TRPM7: variants seen among roughly 807,000 people sequenced by gnomAD.
TRPM7 encodes the protein LTRPC ion channel family member 7.
Under a neutral mutation model 229.7 loss-of-function variants are expected in TRPM7, and 134 were observed. That is an observed-to-expected ratio of 0.58 (90% CI 0.51 to 0.67). The LOEUF is 0.67. TRPM7 is among the 30% of genes least tolerant of loss of function. The pLI is 0.00. For missense variants in TRPM7, 1,901 were observed against 2,210.0 expected (o/e 0.86, Z 2.80); for synonymous variants, 699 against 715.2 (o/e 0.98, Z 0.36).
In TRPM7 at chr15:50,569,898, A is replaced by G; in HGVS notation, c.5456T>C (p.Leu1819Pro). 2 of 1,600,832 alleles carry G rather than the reference A, an allele frequency of 1.2e-6. No homozygotes were observed. Among genetic ancestry groups the G allele is most frequent in the Non-Finnish European group, 1.7e-6 (2 of 1,175,674 alleles). The change falls in exon 38 of 39, where the codon CTT becomes CCT. Residue 1819 changes from leucine to proline, a missense_variant. Around this residue, in one of 8 missense-constraint regions of TRPM7, gnomAD observed 257 missense variants for 352.0 expected, o/e 0.73. Transcript: ENST00000646667. ...AAGAAATTTTTTACCTGGAAGTTTA[A>G]GCTTTCTACAGCAAGAATTACAGTG... is the stretch of plus-strand genomic sequence containing the variant. ...KHHCNSCCRK[L>P]KLPDLKRNDY...
intron 1 of TRPM7, among the ~76,000 whole-genome samples, chr15:50,681,834 G>A (rs1458299211): frequency 1.3e-5 from 2 of 152,112 alleles, no homozygotes; most frequent in Non-Finnish European, 2.9e-5. Context: ...TTGCTCCTTA[G>A]GTCAAGTAGG....
rs2140375086 is a variant in TRPM7, at chr15:50,594,565, G to A, written c.3339C>T (p.Tyr1113=). 6.2e-7 allele frequency: 1 copy of A among 1,611,756 alleles called. No individual in the cohort carries two copies. Among genetic ancestry groups the A allele is most frequent in the East Asian group, 2.2e-5 (1 of 44,704 alleles). ...AAGCCATAATAAAATGATAACGCTGGTACTTCCATACAATATTGGAAATTG... is the reference window on the plus strand; with the variant it reads ...AAGCCATAATAAAATGATAACGCTGATACTTCCATACAATATTGGAAATTG... ...VKAISNIVWK[Y]QRYHFIMAYH... The change falls in exon 24 of 39, where the codon TAC becomes TAT. Residue 1113 remains tyrosine, a synonymous_variant. Coordinates refer to ENST00000646667, the MANE Select transcript of TRPM7 (RefSeq NM_017672.6).
At chr15:50,568,023 G>T (rs1349219431) in intron 38 of TRPM7, among the ~76,000 whole-genome samples, 5 of 144,600 alleles carry the variant, frequency 3.5e-5, no homozygotes, top group Non-Finnish European at 1.5e-5. Flanking sequence ...AGCTTGCAGT[G>T]AGCGGAGACC....
In TRPM7 at chr15:50,558,733, T is replaced by A. The variant is rs999364508; in HGVS notation, c.*2945A>T. The A allele has an allele frequency of 2.0e-4, 31 of 151,262 alleles. No individual in the cohort carries two copies. The highest frequency in any genetic ancestry group is 2.0e-4 in the East Asian group (1 of 5,112). The allele number at this position is 151,262 out of a possible 1,614,324, so 9.4% of individuals were successfully genotyped here. A position where few individuals can be genotyped will look rare whatever the true frequency, so the allele number is the denominator to read the frequency against. ...AATAAAAATGAAAAATAAAAAAATA[T>A]ATATATAAAATTAGGTACGTGTGGT... On this transcript the variant is annotated 3_prime_UTR_variant, in exon 39 of 39. Coordinates refer to ENST00000646667, the MANE Select transcript of TRPM7 (RefSeq NM_017672.6).
chr15:50,609,184 A>G (rs913187367), intron 19 of TRPM7, among the ~76,000 whole-genome samples: 2 of 152,038 alleles, frequency 1.3e-5, no homozygotes, highest in African/African-American at 4.8e-5. Flanking sequence ...ATCATCATCA[A>G]TTAACACTGC....
chr15:50,561,898 T>C lies in TRPM7; in HGVS notation c.5468-90A>G, dbSNP rs1056755464. 20 of 1,284,308 alleles carry C rather than the reference T, an allele frequency of 1.6e-5. No individual in the cohort carries two copies. In the African/African-American group the frequency reaches 2.6e-4, roughly 17 times the overall value. The allele number at this position is 1,284,308 out of a possible 1,614,324, so 79.6% of individuals were successfully genotyped here. A position where few individuals can be genotyped will look rare whatever the true frequency, so the allele number is the denominator to read the frequency against. On this transcript the variant is annotated intron_variant, in intron 38 of 38. Coordinates refer to ENST00000646667, the MANE Select transcript of TRPM7 (RefSeq NM_017672.6). ...CTTAGAAATGGAGAATTAGGAACCT[T>C]TTATTTTCTTTTCAAGACGGAGTTT... is the stretch of plus-strand genomic sequence containing the variant.
intron 36 of TRPM7, among the ~76,000 whole-genome samples, chr15:50,572,174 A>G (rs1383808822): frequency 6.6e-6 from 1 of 152,218 alleles, no homozygotes; most frequent in African/African-American, 2.4e-5. Context: ...AGTCCCAGCT[A>G]TGCAGGAGGC....
At chr15:50,607,112 C>A (rs11633404) in intron 20 of TRPM7, 88 bp downstream of exon 20, 494,882 of 1,111,298 alleles carry the variant, frequency 0.45, 107,713 homozygotes, top group Admixed American at 0.55. Flanking sequence ...ACACACACAC[C>A]CCCCTACGTA....
chr15:50,580,840 T>A (rs745319927), intron 30 of TRPM7, 34 bp downstream of exon 30: 11 of 1,573,172 alleles, frequency 7.0e-6, no homozygotes, highest in African/African-American at 1.4e-5. Context: ...ACTATGATAC[T>A]TCGCAAGCTA....
At chr15:50,561,851 G>C (rs1056329395) in intron 38 of TRPM7, 43 bp from the exon 39 acceptor site, 3 of 1,459,672 alleles carry the variant, frequency 2.1e-6, no homozygotes, top group East Asian at 5.0e-5. Flanking sequence ...AAAAGAAAGA[G>C]AAAAGAAAAA....
rs2053228696 is a variant in TRPM7, at chr15:50,559,365, T to TC, written c.*2312_*2313insG. On this transcript the variant is annotated 3_prime_UTR_variant, in exon 39 of 39. Coordinates refer to ENST00000646667, the MANE Select transcript of TRPM7 (RefSeq NM_017672.6). ...TGCACCTGGCCTAATTTTTGTATTT[T>TC]TTTTTTTAGCAGAGATAGGATTTTG... 6.6e-6 allele frequency: 1 copy of TC among 151,222 alleles called. No homozygotes were observed. Among genetic ancestry groups the TC allele is most frequent in the Non-Finnish European group, 1.5e-5 (1 of 67,820 alleles). 9.4% of individuals were successfully genotyped at this position (151,222 alleles called of 1,614,324 possible). A position where few individuals can be genotyped will look rare whatever the true frequency, so the allele number is the denominator to read the frequency against.
chr15:50,589,319 C>CAA (rs34653276), intron 27 of TRPM7, among the ~76,000 whole-genome samples: 27,812 of 80,322 alleles, frequency 0.35, 4,819 homozygotes, highest in East Asian at 0.49. Context: ...GACTCCGTCT[C>CAA]AAAAAAAAAA....
chr15:50,585,050 A>ACT (rs1555405170), intron 28 of TRPM7, among the ~76,000 whole-genome samples: 1 of 95,060 alleles, frequency 1.1e-5, no homozygotes, highest in Non-Finnish European at 2.0e-5. Context: ...TAATTTTTGT[A>ACT]TTTTTTTTTT....
intron 19 of TRPM7, among the ~76,000 whole-genome samples, chr15:50,608,728 T>C (rs2059986294): frequency 6.6e-6 from 1 of 152,218 alleles, no homozygotes. Context: ...CAAATTCTTG[T>C]TGATGAAAAT....
chr15:50,656,829 C>T (rs1045370933), intron 3 of TRPM7, among the ~76,000 whole-genome samples: 1 of 152,082 alleles, frequency 6.6e-6, no homozygotes, highest in Admixed American at 6.6e-5. Flanking sequence ...ATGTAGTTAC[C>T]ATGCTCAAAT....
At chr15:50,655,807 T>C (rs2061549821) in intron 3 of TRPM7, among the ~76,000 whole-genome samples, 1 of 152,028 alleles carries the variant, frequency 6.6e-6, no homozygotes. Context: ...CCAGCCACCA[T>C]GGTGAAACCC....
rs1468298799 is a variant in TRPM7, at chr15:50,557,949, T to G, written c.*3729A>C. The G allele has an allele frequency of 6.6e-6, 1 of 152,212 alleles. No individual in the cohort carries two copies. Among genetic ancestry groups the G allele is most frequent in the African/African-American group, 2.4e-5 (1 of 41,450 alleles). The allele number at this position is 152,212 out of a possible 1,614,324, so 9.4% of individuals were successfully genotyped here. A position where few individuals can be genotyped will look rare whatever the true frequency, so the allele number is the denominator to read the frequency against. On this transcript the variant is annotated 3_prime_UTR_variant, in exon 39 of 39. Coordinates refer to ENST00000646667, the MANE Select transcript of TRPM7 (RefSeq NM_017672.6). ...GTGAGCCACTGCACCTGGCCGAGAATTCCACATTTTAAGAATATGGTAAAA... is the reference window on the plus strand; with the variant it reads ...GTGAGCCACTGCACCTGGCCGAGAAGTCCACATTTTAAGAATATGGTAAAA...
intron 9 of TRPM7, among the ~76,000 whole-genome samples, chr15:50,631,802 G>T (rs1223629936): frequency 2.0e-5 from 3 of 152,096 alleles, no homozygotes; most frequent in Admixed American, 2.0e-4. Context: ...ACTAGAGTAA[G>T]AAATTTAGGG....
intron 4 of TRPM7, among the ~76,000 whole-genome samples, chr15:50,648,149 A>G (rs1370460246): frequency 9.4e-6 from 1 of 105,952 alleles, no homozygotes; most frequent in Non-Finnish European, 2.1e-5. Flanking sequence ...ACATCCAAAT[A>G]CTATTGATAA....
Sources: gnomAD v4.1 joint callset for allele counts (sites outside exome capture counted in the v4.1 genomes callset) on GRCh38, gnomAD v4.1.1 for gene constraint, gnomAD v4.1.1 regional missense constraint, MANE v1.5 for transcripts, NCBI Gene and HGNC (gene_info 2026-07-23, HGNC 2026-07-21) for gene names.